The following TSHZ2 variants were observed in gnomAD, a reference collection of about 807,000 sequenced individuals.
The protein encoded by TSHZ2 is teashirt homolog 2.
A neutral mutation model predicts 74.4 loss-of-function variants in TSHZ2; 21 were observed. The observed-to-expected ratio is 0.28, with a 90% CI of 0.20 to 0.41. The LOEUF (loss-of-function observed/expected upper bound fraction) is 0.41, where lower values mean the gene tolerates loss of function less well. Among genes scored for constraint, TSHZ2 ranks in the 10% least tolerant of loss-of-function variants. The pLI is 1.00. For synonymous variants in TSHZ2, 540 were observed against 515.3 expected, an observed-to-expected ratio of 1.05 and a Z score of -0.65; for missense variants, 1,244 against 1,293.5, an observed-to-expected ratio of 0.96 and a Z score of 0.59.
chr20:52,995,943 G>C (rs1982170704), intron 1 of TSHZ2, among the ~76,000 whole-genome samples: 1 of 152,016 alleles, frequency 6.6e-6, no homozygotes. Context: ...CTTTCTATCT[G>C]ATCGTAGACA....
intron 2 of TSHZ2, among the ~76,000 whole-genome samples, chr20:53,268,532 C>T (rs573832128): frequency 2.0e-5 from 3 of 152,188 alleles, no homozygotes; most frequent in African/African-American, 7.2e-5. Flanking sequence ...GGGATGGAAC[C>T]GGTCTTCCTG....
intron 1 of TSHZ2, among the ~76,000 whole-genome samples, chr20:52,983,605 A>G (rs1408116692): frequency 1.3e-5 from 2 of 152,266 alleles, no homozygotes; most frequent in Non-Finnish European, 2.9e-5. Context: ...GACCAATTGC[A>G]AATCCTAGCT....
At chr20:53,248,538 C>A (rs1452607431) in intron 1 of TSHZ2, among the ~76,000 whole-genome samples, 2 of 152,138 alleles carry the variant, frequency 1.3e-5, no homozygotes, top group African/African-American at 4.8e-5. Context: ...CAGGGGAAGG[C>A]TACTCTAATA....
chr20:53,465,291 G>A lies in TSHZ2; in HGVS notation c.*9-21853G>A, dbSNP rs1409181221. Among the ~76,000 whole-genome samples the A allele has an allele frequency of 2.6e-5, 4 of 152,246 alleles. No individual in the cohort carries two copies. The South Asian group carries it at 8.3e-4, about 32-fold the overall frequency. ...CTTTTGTGTGTGTGTGTGTGTGTGA[G>A]ACAGAGTCTCGCTCTGTCACCCAGG... On this transcript the variant is annotated intron_variant, in intron 2 of 2. Coordinates refer to ENST00000371497, the MANE Select transcript of TSHZ2 (RefSeq NM_173485.6).
At chr20:53,210,793 C>A (rs904255637) in intron 1 of TSHZ2, among the ~76,000 whole-genome samples, 11 of 151,944 alleles carry the variant, frequency 7.2e-5, no homozygotes, top group Non-Finnish European at 1.3e-4. Context: ...ATCAATAAGA[C>A]GTATATAATC....
At chr20:53,361,367 TAGC>T (rs1981046142) in intron 2 of TSHZ2, among the ~76,000 whole-genome samples, 1 of 152,224 alleles carries the variant, frequency 6.6e-6, no homozygotes, top group South Asian at 2.1e-4. Flanking sequence ...TGATAAATGA[TAGC>T]TCCTCTGGAA....
chr20:53,057,063 T>C (rs550633425), intron 1 of TSHZ2, among the ~76,000 whole-genome samples: 7 of 152,300 alleles, frequency 4.6e-5, no homozygotes, highest in African/African-American at 1.4e-4. Context: ...TCTCATGAGA[T>C]CTGATGGTTT....
At chr20:52,990,626 G>A (rs867093787) in intron 1 of TSHZ2, among the ~76,000 whole-genome samples, 2 of 152,152 alleles carry the variant, frequency 1.3e-5, no homozygotes, top group Non-Finnish European at 1.5e-5. Context: ...GGTCGGGTCA[G>A]GGAAGGAAGA....
rs1360702189 is a variant in TSHZ2, at chr20:53,492,736, A to G, written c.*5601A>G. The G allele has an allele frequency of 6.6e-6, 1 of 152,138 alleles. No individual in the cohort carries two copies. The highest frequency in any genetic ancestry group is 2.4e-5 in the African/African-American group (1 of 41,414). The allele number at this position is 152,138 out of a possible 1,614,324, so 9.4% of individuals were successfully genotyped here. On this transcript the variant is annotated 3_prime_UTR_variant, in exon 3 of 3. Coordinates refer to ENST00000371497, the MANE Select transcript of TSHZ2 (RefSeq NM_173485.6). ...GGGAAACCTGATATCAAACACATTT[A>G]TGTTATATATTTGCTCCCTTGCATT...
chr20:53,056,571 A>G (rs1322488827), intron 1 of TSHZ2, among the ~76,000 whole-genome samples: 1 of 152,162 alleles, frequency 6.6e-6, no homozygotes, highest in Non-Finnish European at 1.5e-5. Context: ...CTTTTTCTAA[A>G]GCCTCAACTC....
At chr20:53,157,597 A>G (rs190168050) in intron 1 of TSHZ2, among the ~76,000 whole-genome samples, 1 of 152,226 alleles carries the variant, frequency 6.6e-6, no homozygotes, top group African/African-American at 2.4e-5. Flanking sequence ...TAAAGAAAGT[A>G]TTCTCATCAT....
chr20:53,163,553 C>T (rs55965646), intron 1 of TSHZ2, among the ~76,000 whole-genome samples: 12,710 of 151,748 alleles, frequency 0.084, 1,319 homozygotes, highest in African/African-American at 0.25. Context: ...GCTGCACCCA[C>T]TAATGTGTCA....
At chr20:53,142,296 C>G (rs920562309) in intron 1 of TSHZ2, among the ~76,000 whole-genome samples, 2 of 152,140 alleles carry the variant, frequency 1.3e-5, no homozygotes, top group Non-Finnish European at 2.9e-5. Context: ...CAGATCCTGT[C>G]CTGCCCCCAG....
intron 1 of TSHZ2, among the ~76,000 whole-genome samples, chr20:53,135,905 A>G (rs970171666): frequency 2.0e-5 from 3 of 152,158 alleles, no homozygotes; most frequent in African/African-American, 7.2e-5. Context: ...ACACCCAGAC[A>G]ATGTTTGTCC....
intron 2 of TSHZ2, among the ~76,000 whole-genome samples, chr20:53,478,680 TAAATAAATA>T (rs1174816633): frequency 7.1e-6 from 1 of 140,194 alleles, no homozygotes; most frequent in African/African-American, 2.7e-5. Context: ...AAAATAAAAA[TAAATAAATA>T]AATTTAGTTA....
At chr20:53,125,641 C>A (rs934268295) in intron 1 of TSHZ2, among the ~76,000 whole-genome samples, 2 of 152,054 alleles carry the variant, frequency 1.3e-5, no homozygotes, top group Non-Finnish European at 2.9e-5. Flanking sequence ...TCTGCTGACA[C>A]CTGTGGACCC....
intron 2 of TSHZ2, among the ~76,000 whole-genome samples, chr20:53,326,796 T>C (rs1349634805): frequency 6.6e-6 from 1 of 152,258 alleles, no homozygotes; most frequent in Non-Finnish European, 1.5e-5. Context: ...CAGGAGCCTA[T>C]ATCAGCAAAC....
chr20:53,142,191 C>T (rs758122862), intron 1 of TSHZ2, among the ~76,000 whole-genome samples: 2 of 152,132 alleles, frequency 1.3e-5, no homozygotes, highest in Non-Finnish European at 2.9e-5. Flanking sequence ...TTGAAGAGTA[C>T]AGGGGAAACG....
chr20:53,184,299 A>G (rs1007597893), intron 1 of TSHZ2, among the ~76,000 whole-genome samples: 7 of 152,352 alleles, frequency 4.6e-5, no homozygotes, highest in African/African-American at 1.4e-4. Flanking sequence ...CATATGGCAT[A>G]TTCTGTACCA....
Sources: gnomAD v4.1 joint callset for allele counts (sites outside exome capture counted in the v4.1 genomes callset) on GRCh38, gnomAD v4.1.1 for gene constraint, MANE v1.5 for transcripts, NCBI Gene and HGNC (gene_info 2026-07-23, HGNC 2026-07-21) for gene names.